KSR2: variants seen among roughly 807,000 people sequenced by gnomAD.
The protein encoded by KSR2 is kinase suppressor of ras 2.
Under a neutral mutation model 107.8 loss-of-function variants are expected in KSR2, and 25 were observed. That is an observed-to-expected ratio of 0.23 (90% CI 0.17 to 0.32). The LOEUF (loss-of-function observed/expected upper bound fraction) is 0.32, where lower values mean the gene tolerates loss of function less well. Among genes scored for constraint, KSR2 ranks in the 10% least tolerant of loss-of-function variants. The pLI is 1.00. For missense variants in KSR2, 887 were observed against 1,268.9 expected, an observed-to-expected ratio of 0.70 and a Z score of 4.57; for synonymous variants, 480 against 507.0, an observed-to-expected ratio of 0.95 and a Z score of 0.71.
intron 5 of KSR2, among the ~76,000 whole-genome samples, chr12:117,628,402 T>C (rs562603193): frequency 1.4e-4 from 21 of 152,162 alleles, no homozygotes; most frequent in African/African-American, 4.1e-4. Context: ...ACCTTTTTGT[T>C]GATGTTTATG....
intron 5 of KSR2, among the ~76,000 whole-genome samples, chr12:117,625,602 T>C (rs938732202): frequency 6.6e-6 from 1 of 152,202 alleles, no homozygotes; most frequent in African/African-American, 2.4e-5. Flanking sequence ...GGATTTGGTT[T>C]GCCAGTATTT....
intron 9 of KSR2, among the ~76,000 whole-genome samples, chr12:117,550,624 G>C (rs1012524381): frequency 6.6e-6 from 1 of 152,166 alleles, no homozygotes; most frequent in Non-Finnish European, 1.5e-5. Context: ...ATAAGATGAG[G>C]TTCAAAGAGA....
intron 4 of KSR2, 101 bp from the exon 5 acceptor site, chr12:117,667,759 AC>A: frequency 2.1e-6 from 2 of 958,658 alleles, no homozygotes; most frequent in East Asian, 2.7e-5. Flanking sequence ...GGGGTCCAAA[AC>A]CCACAGGGAG....
chr12:117,904,562 C>T (rs1173271506), intron 1 of KSR2, among the ~76,000 whole-genome samples: 5 of 152,236 alleles, frequency 3.3e-5, no homozygotes, highest in African/African-American at 7.2e-5. Context: ...CAGTCCCTTC[C>T]GAATATTGGA....
chr12:117,531,791 C>T (rs901658155), intron 10 of KSR2, 84 bp from the exon 11 acceptor site: 3 of 963,022 alleles, frequency 3.1e-6, no homozygotes, highest in East Asian at 5.4e-5. Context: ...ACAGCCACCA[C>T]ATGGTCATTC....
chr12:117,916,135 C>CTTT (rs34082573), intron 1 of KSR2, among the ~76,000 whole-genome samples: 271 of 105,338 alleles, frequency 2.6e-3, no homozygotes, highest in Middle Eastern at 6.1e-3. Flanking sequence ...ATTTCTTCTT[C>CTTT]TTTTTTTTTT....
chr12:117,543,541 C>A (rs1876647471), intron 9 of KSR2, among the ~76,000 whole-genome samples: 1 of 152,312 alleles, frequency 6.6e-6, no homozygotes, highest in South Asian at 2.1e-4. Flanking sequence ...TGTCTTTTCA[C>A]ATAACTTTTA....
intron 2 of KSR2, among the ~76,000 whole-genome samples, chr12:117,859,780 ATC>A (rs1317950738): frequency 2.6e-5 from 4 of 152,346 alleles, no homozygotes; most frequent in African/African-American, 9.6e-5. Flanking sequence ...TATAAAAATC[ATC>A]TCATTCTATG....
chr12:117,861,635 G>A (rs1416601385), intron 1 of KSR2, among the ~76,000 whole-genome samples: 3 of 151,894 alleles, frequency 2.0e-5, no homozygotes, highest in Non-Finnish European at 4.4e-5. Flanking sequence ...GGATCTGCCC[G>A]CCTCGGCCTC....
At chr12:117,544,618 CAA>C (rs560933272) in intron 9 of KSR2, among the ~76,000 whole-genome samples, 5 of 124,282 alleles carry the variant, frequency 4.0e-5, no homozygotes, top group Admixed American at 8.2e-5. Flanking sequence ...GACTCTGTCT[CAA>C]AAAAAAAAAA....
rs912575566 is a variant in KSR2, at chr12:117,459,159, T to C, written c.*8040A>G. The C allele has an allele frequency of 3.3e-5, 5 of 152,248 alleles. No individual in the cohort carries two copies. Among genetic ancestry groups the C allele is most frequent in the Non-Finnish European group, 7.3e-5 (5 of 68,048 alleles). 9.4% of individuals were successfully genotyped at this position (152,248 alleles called of 1,614,324 possible). A position where few individuals can be genotyped will look rare whatever the true frequency, so the allele number is the denominator to read the frequency against. On this transcript the variant is annotated 3_prime_UTR_variant, in exon 20 of 20. Coordinates refer to ENST00000339824, the MANE Select transcript of KSR2 (RefSeq NM_173598.6). The stretch of plus-strand genomic sequence containing the variant: ...GTCTTAGAGACAGAATCTTTCTTTC[T>C]GCATTTTCCAAGTTCCCTAACTGAG...
chr12:117,527,514 A>G (rs1875285139), intron 12 of KSR2, among the ~76,000 whole-genome samples: 1 of 152,202 alleles, frequency 6.6e-6, no homozygotes, highest in Non-Finnish European at 1.5e-5. Flanking sequence ...AGAGCTGTAT[A>G]TGTTTGCCAG....
chr12:117,742,532 G>GTGGATGGA lies in KSR2; in HGVS notation c.986+18471_986+18478dup, dbSNP rs59750473. On this transcript the variant is annotated intron_variant, in intron 4 of 19. Transcript: ENST00000339824. ...AATGGATGGATGGATGGATGGATGG[G>GTGGATGGA]TGGATGGATGGATGGATGGATGAAT... Among the ~76,000 whole-genome samples, 874 of 149,578 alleles carry GTGGATGGA rather than the reference G, an allele frequency of 5.8e-3. 6 individuals are homozygous for GTGGATGGA. Among genetic ancestry groups the GTGGATGGA allele is most frequent in the African/African-American group, 0.019 (774 of 39,936 alleles).
In KSR2 at chr12:117,463,058, C is replaced by G. The variant is rs1215415836; in HGVS notation, c.*4141G>C. ...CCTCAAGAATTGTGAGGAATAAATT[C>G]GTGTTGTTTAAGCCACTCAGTGTGT... On this transcript the variant is annotated 3_prime_UTR_variant, in exon 20 of 20. Transcript: ENST00000339824. 6.6e-6 allele frequency: 1 copy of G among 152,184 alleles called. No homozygotes were observed. Among genetic ancestry groups the G allele is most frequent in the African/African-American group, 2.4e-5 (1 of 41,438 alleles). 9.4% of individuals were successfully genotyped at this position (152,184 alleles called of 1,614,324 possible).
At position 117,558,586 on chromosome 12, in the gene KSR2, A is replaced by C. The variant is rs1592991763; in HGVS notation, c.1326-13T>G. On this transcript the variant is annotated splice_polypyrimidine_tract_variant and intron_variant, in intron 7 of 19. Coordinates refer to ENST00000339824, the MANE Select transcript of KSR2 (RefSeq NM_173598.6). ...GTGGCACTTTAACCTGAGAAAGATA[A>C]AGAGAGAGAAAGATGGATAGGTGAA... 2 of 1,608,710 alleles carry C rather than the reference A, an allele frequency of 1.2e-6. No individual in the cohort carries two copies. Among genetic ancestry groups the C allele is most frequent in the East Asian group, 4.5e-5 (2 of 44,822 alleles).
intron 4 of KSR2, among the ~76,000 whole-genome samples, chr12:117,674,796 C>T (rs919870489): frequency 6.6e-6 from 1 of 152,220 alleles, no homozygotes; most frequent in Non-Finnish European, 1.5e-5. Flanking sequence ...CATGTCACTC[C>T]TCTTCTTAAA....
chr12:117,489,812 G>A (rs1019024140), intron 14 of KSR2, among the ~76,000 whole-genome samples: 9 of 152,166 alleles, frequency 5.9e-5, no homozygotes, highest in Non-Finnish European at 1.3e-4. Context: ...TTAAAGATGA[G>A]CAGGCCTCAG....
chr12:117,823,662 G>A (rs1045403777), intron 3 of KSR2, among the ~76,000 whole-genome samples: 4 of 152,208 alleles, frequency 2.6e-5, no homozygotes, highest in African/African-American at 9.6e-5. Context: ...GACCAGGAGA[G>A]TGTGCTTTCT....
At chr12:117,612,186 A>T (rs934449894) in intron 5 of KSR2, among the ~76,000 whole-genome samples, 2 of 152,244 alleles carry the variant, frequency 1.3e-5, no homozygotes, top group Admixed American at 6.5e-5. Flanking sequence ...TGGGTGGATC[A>T]TGAGGTCAGG....
Sources: allele counts gnomAD v4.1 joint callset (sites outside exome capture counted in the v4.1 genomes callset), GRCh38; gene constraint gnomAD v4.1.1; transcripts MANE v1.5; gene names NCBI Gene and HGNC (gene_info 2026-07-23, HGNC 2026-07-21).